CCNH: variants seen among roughly 807,000 people sequenced by gnomAD.
CCNH encodes cyclin H, also known as cyclin-H.
A neutral mutation model predicts 41.9 loss-of-function variants in CCNH; 31 were observed. That is an observed-to-expected ratio of 0.74 (90% confidence interval 0.56 to 1.00). The LOEUF (loss-of-function observed/expected upper bound fraction) is 1.00. CCNH is among the 50% of genes least tolerant of loss of function. The pLI, the probability that CCNH is intolerant of heterozygous loss-of-function variation, is 0.00. For synonymous variants in CCNH, 138 were observed against 136.1 expected (o/e 1.01, Z -0.10); for missense variants, 362 against 388.4 (o/e 0.93, Z 0.57).
At chr5:87,332,488 T>C in intron 9 of CCNH, 1 of 1,598,042 alleles carries the variant, frequency 6.3e-7, no homozygotes, top group Non-Finnish European at 8.6e-7. Flanking sequence ...TTATACTGTA[T>C]TTTTTCCTGT....
intron 9 of CCNH, among the ~76,000 whole-genome samples, chr5:87,337,638 G>A (rs562787600): frequency 2.0e-5 from 3 of 151,992 alleles, no homozygotes; most frequent in East Asian, 1.9e-4. Flanking sequence ...CAGTTTTCTT[G>A]TAGTTACACC....
intron 9 of CCNH, among the ~76,000 whole-genome samples, chr5:87,325,447 C>T (rs761803209): frequency 3.9e-5 from 6 of 152,178 alleles, no homozygotes; most frequent in Non-Finnish European, 7.4e-5. Flanking sequence ...AACTTGAAAT[C>T]ACCAATTTAG....
chr5:87,373,369 T>G (rs1761090686), downstream of CCNH, among the ~76,000 whole-genome samples: 1 of 152,176 alleles, frequency 6.6e-6, no homozygotes, highest in East Asian at 1.9e-4. Context: ...ATAGATTTTA[T>G]GCAGATACTA....
At chr5:87,348,759 C>G (rs1341748716) in intron 9 of CCNH, among the ~76,000 whole-genome samples, 2 of 151,796 alleles carry the variant, frequency 1.3e-5, no homozygotes, top group Non-Finnish European at 2.9e-5. Flanking sequence ...GTGCCTAGCA[C>G]AGTCATTACT....
upstream of CCNH, among the ~76,000 whole-genome samples, chr5:87,381,975 A>G (rs536200482): frequency 6.6e-6 from 1 of 152,250 alleles, no homozygotes; most frequent in Non-Finnish European, 1.5e-5. Context: ...TTTTTGAGAC[A>G]GGGTCTTGCT....
downstream of CCNH, chr5:87,390,927 A>G (rs1315187282): frequency 3.9e-6 from 6 of 1,537,776 alleles, no homozygotes; most frequent in African/African-American, 1.4e-5. Context: ...CATGTCCAAC[A>G]TGGTAATTCA....
intron 7 of CCNH, among the ~76,000 whole-genome samples, chr5:87,397,348 C>T (rs576206767): frequency 6.6e-6 from 1 of 152,028 alleles, no homozygotes; most frequent in South Asian, 2.1e-4. Context: ...TTAGTAGAGA[C>T]GGGGTTTCGC....
intron 9 of CCNH, chr5:87,385,403 G>T (rs1761995831): frequency 6.4e-7 from 1 of 1,552,560 alleles, no homozygotes; most frequent in South Asian, 1.1e-5. Context: ...AAAACATTTT[G>T]ATACTTTAAA....
At chr5:87,317,538 A>G (rs1305208605), downstream of CCNH, among the ~76,000 whole-genome samples, 6 of 151,728 alleles carry the variant, frequency 4.0e-5, no homozygotes, top group African/African-American at 7.3e-5. Context: ...TTGCCATTCT[A>G]TGATTGTAGA....
downstream of CCNH, among the ~76,000 whole-genome samples, chr5:87,387,068 T>G (rs1314990396): frequency 6.6e-6 from 1 of 152,194 alleles, no homozygotes; most frequent in South Asian, 2.1e-4. Flanking sequence ...TATTTTTGTT[T>G]GTAATTAAAA....
chr5:87,370,652 ACTGT>A (rs1194049405), intron 9 of CCNH, among the ~76,000 whole-genome samples: 2 of 152,068 alleles, frequency 1.3e-5, no homozygotes, highest in African/African-American at 4.8e-5. Flanking sequence ...AAACTGAGAC[ACTGT>A]CTCTTAAAAA....
At chr5:87,390,555 T>TA (rs952505235), downstream of CCNH, among the ~76,000 whole-genome samples, 2 of 152,152 alleles carry the variant, frequency 1.3e-5, no homozygotes, top group Non-Finnish European at 2.9e-5. Context: ...AGTTCTGGCC[T>TA]AAAAAATAGG....
intron 9 of CCNH, among the ~76,000 whole-genome samples, chr5:87,383,517 A>G (rs557638227): frequency 1.3e-5 from 2 of 152,072 alleles, no homozygotes; most frequent in Non-Finnish European, 2.9e-5. Context: ...AAGCAGATAT[A>G]TATATTCTTA....
chr5:87,338,501 T>TTATATATA (rs3069490), intron 9 of CCNH, among the ~76,000 whole-genome samples: 22 of 75,666 alleles, frequency 2.9e-4, no homozygotes, highest in African/African-American at 1.0e-3. Flanking sequence ...CCAGCTAATT[T>TTATATATA]TATATATATA....
intron 9 of CCNH, among the ~76,000 whole-genome samples, chr5:87,341,081 C>G (rs909923823): frequency 1.3e-5 from 2 of 150,700 alleles, no homozygotes; most frequent in African/African-American, 4.9e-5. Context: ...TAAGAAAAGT[C>G]GATAAGAGGG....
chr5:87,372,447 A>G (rs938967739), downstream of CCNH, among the ~76,000 whole-genome samples: 5 of 152,294 alleles, frequency 3.3e-5, no homozygotes, highest in East Asian at 7.7e-4. Flanking sequence ...CACAGCAGAA[A>G]CGGTTCTGTT....
chr5:87,342,587 G>A (rs190964169), intron 9 of CCNH, among the ~76,000 whole-genome samples: 5 of 152,132 alleles, frequency 3.3e-5, no homozygotes, highest in African/African-American at 9.6e-5. Flanking sequence ...ATTTTCCCTC[G>A]TTGCTAGAGA....
chr5:87,394,518 C>G (rs1230392945), intron 8 of CCNH, 34 bp from the exon 9 acceptor site: 5 of 1,612,646 alleles, frequency 3.1e-6, no homozygotes, highest in East Asian at 2.2e-5. Context: ...AAGGATAACA[C>G]TGAAGCATAA....
chr5:87,340,193 T>C (rs139923557), intron 9 of CCNH, among the ~76,000 whole-genome samples: 7 of 152,296 alleles, frequency 4.6e-5, no homozygotes, highest in African/African-American at 1.7e-4. Flanking sequence ...CTTGTAAAAT[T>C]TGATTCATCT....
Sources: allele counts gnomAD v4.1 joint callset (sites outside exome capture counted in the v4.1 genomes callset), GRCh38; gene constraint gnomAD v4.1.1; transcripts MANE v1.5; gene names NCBI Gene and HGNC (gene_info 2026-07-23, HGNC 2026-07-21).